PLGRKT: variants seen among roughly 807,000 people sequenced by gnomAD.
The protein encoded by PLGRKT is plasminogen receptor (KT).
In PLGRKT, 22 loss-of-function variants were observed where a neutral mutation model predicts 18.5. The observed-to-expected ratio is 1.19, with a 90% CI of 0.85 to 1.70. PLGRKT has a LOEUF of 1.70. Among genes scored for constraint, PLGRKT ranks in the 40% most tolerant of loss-of-function variants. The pLI is 0.00. For missense variants in PLGRKT, 235 were observed against 174.4 expected (o/e 1.35, Z -1.96); for synonymous variants, 72 against 52.8 (o/e 1.36, Z -1.58).
At chr9:5,380,331 C>G (rs1480984233) in intron 3 of PLGRKT, among the ~76,000 whole-genome samples, 1 of 148,850 alleles carries the variant, frequency 6.7e-6, no homozygotes, top group Non-Finnish European at 1.5e-5. Context: ...TGCGCCACTG[C>G]ACTCCAGCCT....
At chr9:5,407,158 T>C (rs1268579002) in intron 3 of PLGRKT, among the ~76,000 whole-genome samples, 3 of 152,220 alleles carry the variant, frequency 2.0e-5, no homozygotes, top group Admixed American at 6.5e-5. Context: ...CTAAAACATG[T>C]ACAATGATTG....
chr9:5,431,907 G>A lies in PLGRKT; in HGVS notation c.71C>T (p.Ala24Val), dbSNP rs1300017351. 4 of 1,480,080 alleles carry A rather than the reference G, an allele frequency of 2.7e-6. No individual in the cohort carries two copies. The highest frequency in any genetic ancestry group is 2.8e-6 in the Non-Finnish European group (3 of 1,059,644). 91.7% of individuals were successfully genotyped at this position (1,480,080 alleles called of 1,614,324 possible). ...TATTTTAAAACATACCTGAAGTCGA[G>A]CATTCATAAGCATGAACTCCTTTTG... ...KNQKEFMLMN[A>V]RLQLERQLIM... Residue 24 changes from alanine (A) to valine (V), a missense_variant, in exon 3 of 6, where the codon GCT becomes GTT. Transcript: ENST00000223864.
intron 3 of PLGRKT, among the ~76,000 whole-genome samples, chr9:5,393,440 T>C (rs1191623170): frequency 1.3e-5 from 2 of 151,884 alleles, no homozygotes; most frequent in Non-Finnish European, 2.9e-5. Context: ...AAAACCCCAA[T>C]ATGGTAAGTG....
intron 3 of PLGRKT, among the ~76,000 whole-genome samples, chr9:5,407,626 T>C (rs567810935): frequency 2.0e-5 from 3 of 152,106 alleles, no homozygotes; most frequent in Non-Finnish European, 4.4e-5. Context: ...CTAGACAGCA[T>C]TCTAATGTTG....
At chr9:5,436,476 G>C (rs1392840932) in intron 2 of PLGRKT, 93 bp downstream of exon 2, 8 of 152,248 alleles carry the variant, frequency 5.3e-5, no homozygotes, top group African/African-American at 1.9e-4. Flanking sequence ...GCTCCTGTTT[G>C]TAAGGGGTTA....
chr9:5,362,806 C>G lies in PLGRKT; in HGVS notation c.82-918G>C, dbSNP rs369175706. Among the ~76,000 whole-genome samples the G allele has an allele frequency of 6.6e-4, 100 of 152,188 alleles. No individual in the cohort carries two copies. In the Middle Eastern group the frequency reaches 0.014, roughly 21 times the overall value. ...TAAAGATGGGGCTTGGCTCCTTGGCCTATTTGGGAGGTTAAATCACCAGAA... is the reference window on the plus strand; with the variant it reads ...TAAAGATGGGGCTTGGCTCCTTGGCGTATTTGGGAGGTTAAATCACCAGAA... On this transcript the variant is annotated intron_variant, in intron 3 of 5. Coordinates refer to ENST00000223864, the MANE Select transcript of PLGRKT (RefSeq NM_018465.4).
intron 5 of PLGRKT, among the ~76,000 whole-genome samples, chr9:5,360,247 G>C (rs1282769316): frequency 1.3e-5 from 2 of 152,124 alleles, no homozygotes; most frequent in African/African-American, 2.4e-5. Flanking sequence ...TACAGACAAA[G>C]CACACTTTTA....
chr9:5,362,870 A>T (rs1207671640), intron 3 of PLGRKT, among the ~76,000 whole-genome samples: 1 of 152,104 alleles, frequency 6.6e-6, no homozygotes, highest in East Asian at 1.9e-4. Flanking sequence ...GGAATCCCTA[A>T]ACAGAGAAGA....
intron 1 of PLGRKT, 26 bp from the exon 2 acceptor site, chr9:5,436,720 CT>C (rs1818967211): frequency 2.0e-5 from 3 of 152,160 alleles, no homozygotes; most frequent in South Asian, 4.1e-4. Flanking sequence ...TGCATCACAC[CT>C]TGTAAATTTC....
chr9:5,406,471 A>T (rs1818259139), intron 3 of PLGRKT, among the ~76,000 whole-genome samples: 2 of 152,218 alleles, frequency 1.3e-5, no homozygotes, highest in Admixed American at 1.3e-4. Flanking sequence ...GCAATGGATG[A>T]AGCTGGAAGC....
chr9:5,434,754 G>C (rs1818925992), intron 2 of PLGRKT, among the ~76,000 whole-genome samples: 1 of 151,928 alleles, frequency 6.6e-6, no homozygotes, highest in Non-Finnish European at 1.5e-5. Context: ...CGGCCGCCCT[G>C]TCTGGGAAGT....
chr9:5,405,984 T>C (rs777193838), intron 3 of PLGRKT, among the ~76,000 whole-genome samples: 49 of 152,008 alleles, frequency 3.2e-4, no homozygotes, highest in Non-Finnish European at 4.7e-4. Flanking sequence ...AAGACATACA[T>C]GCCGCCAACA....
intron 3 of PLGRKT, among the ~76,000 whole-genome samples, chr9:5,411,033 A>G (rs1818352162): frequency 1.3e-5 from 2 of 152,192 alleles, no homozygotes; most frequent in Admixed American, 1.3e-4. Flanking sequence ...ACTAGAGATG[A>G]AAGAAAAAAT....
rs189541574 is a variant in PLGRKT at position 5,390,295 on chromosome 9, A to G, written c.82-28407T>C. Reference sequence around the variant, plus strand: ...CATGTAAAATTAGGCCTGAAAAACCACAAAACTGCCAGACGAAGACCTAGA... The same window carrying G: ...CATGTAAAATTAGGCCTGAAAAACCGCAAAACTGCCAGACGAAGACCTAGA... On this transcript the variant is annotated intron_variant, in intron 3 of 5. Coordinates refer to ENST00000223864, the MANE Select transcript of PLGRKT (RefSeq NM_018465.4). Among the ~76,000 whole-genome samples, 22 of 151,752 alleles carry G rather than the reference A, an allele frequency of 1.4e-4. No individual in the cohort carries two copies. The East Asian group carries it at 4.1e-3, about 28-fold the overall frequency.
At chr9:5,390,582 G>C (rs746781313) in intron 3 of PLGRKT, among the ~76,000 whole-genome samples, 1 of 151,842 alleles carries the variant, frequency 6.6e-6, no homozygotes, top group Admixed American at 6.6e-5. Context: ...AGCAAATCAA[G>C]TTGGGGTTAG....
intron 2 of PLGRKT, among the ~76,000 whole-genome samples, chr9:5,434,660 C>G (rs547797835): frequency 4.7e-5 from 7 of 149,846 alleles, no homozygotes; most frequent in African/African-American, 1.7e-4. Flanking sequence ...TGAGGAGCAC[C>G]GCTGCCCGGC....
At chr9:5,362,143 T>C (rs562780257) in intron 3 of PLGRKT, among the ~76,000 whole-genome samples, 59 of 152,364 alleles carry the variant, frequency 3.9e-4, no homozygotes, top group African/African-American at 1.3e-3. Context: ...CTTGACTGCC[T>C]GTGGTCTGGA....
intron 3 of PLGRKT, among the ~76,000 whole-genome samples, chr9:5,411,507 G>A (rs774623933): frequency 6.6e-6 from 1 of 152,112 alleles, no homozygotes; most frequent in Admixed American, 6.6e-5. Context: ...CAGACTCAGA[G>A]AGCCTGTGTC....
intron 3 of PLGRKT, among the ~76,000 whole-genome samples, chr9:5,409,422 G>C (rs1197933305): frequency 6.6e-6 from 1 of 152,124 alleles, no homozygotes; most frequent in Admixed American, 6.5e-5. Context: ...CTTGAACATC[G>C]GACTCCGAGT....
Sources: gnomAD v4.1 joint callset for allele counts (sites outside exome capture counted in the v4.1 genomes callset) on GRCh38, gnomAD v4.1.1 for gene constraint, MANE v1.5 for transcripts, NCBI Gene and HGNC (gene_info 2026-07-23, HGNC 2026-07-21) for gene names.